The following MAST4 variants were observed in gnomAD, a reference collection of about 807,000 sequenced individuals.
The protein encoded by MAST4 is microtubule associated serine/threonine kinase family member 4, also known as microtubule-associated serine/threonine-protein kinase 4.
A neutral mutation model predicts 162.7 loss-of-function variants in MAST4; 89 were observed. The observed-to-expected ratio is 0.55, with a 90% CI of 0.46 to 0.65. The LOEUF (loss-of-function observed/expected upper bound fraction) is 0.65, where lower values mean the gene tolerates loss of function less well. Among genes scored for constraint, MAST4 ranks in the 30% least tolerant of loss-of-function variants. The pLI, the probability that MAST4 is intolerant of heterozygous loss-of-function variation, is 0.00. For missense variants in MAST4, 3,153 were observed against 3,374.0 expected (o/e 0.93, Z 1.62); for synonymous variants, 1,479 against 1,361.1 (o/e 1.09, Z -1.91).
chr5:67,130,436 C>G lies in MAST4; in HGVS notation c.1954+18C>G, dbSNP rs777308628. 1.2e-6 allele frequency: 2 copies of G among 1,611,912 alleles called. No homozygotes were observed. The highest frequency in any genetic ancestry group is 2.2e-5 in the South Asian group (2 of 90,896). On this transcript the variant is annotated intron_variant, in intron 15 of 28. Coordinates refer to ENST00000403625, the MANE Select transcript of MAST4 (RefSeq NM_001164664.2). ...TGTGGAAGGTATCTGACACGGAAAA[C>G]ATGACACCTGTACCCAGGAATCCCT...
intron 4 of MAST4, among the ~76,000 whole-genome samples, chr5:66,987,908 A>G (rs1749691871): frequency 6.6e-6 from 1 of 152,214 alleles, no homozygotes; most frequent in Non-Finnish European, 1.5e-5. Flanking sequence ...AAATAGTTAC[A>G]ACGTGGTTGC....
intron 4 of MAST4, among the ~76,000 whole-genome samples, chr5:66,992,364 T>C (rs543745937): frequency 6.6e-6 from 1 of 152,312 alleles, no homozygotes; most frequent in South Asian, 2.1e-4. Flanking sequence ...CTTCCGGTTT[T>C]CTCTAATGAA....
At chr5:66,917,849 T>G (rs1764221427) in intron 4 of MAST4, among the ~76,000 whole-genome samples, 1 of 152,156 alleles carries the variant, frequency 6.6e-6, no homozygotes, top group Non-Finnish European at 1.5e-5. Flanking sequence ...TTTTACACTT[T>G]CATGACTTTT....
At chr5:66,774,726 G>T (rs1754506800) in intron 2 of MAST4, among the ~76,000 whole-genome samples, 1 of 152,108 alleles carries the variant, frequency 6.6e-6, no homozygotes, top group Non-Finnish European at 1.5e-5. Context: ...AAAATATGGG[G>T]TATCCAATTA....
chr5:66,930,371 A>T (rs1742048939), intron 4 of MAST4, among the ~76,000 whole-genome samples: 1 of 152,218 alleles, frequency 6.6e-6, no homozygotes, highest in Admixed American at 6.5e-5. Context: ...AGTAGAAAAC[A>T]GAAGTATGTG....
chr5:66,881,067 A>G (rs185233662), intron 3 of MAST4, among the ~76,000 whole-genome samples: 26 of 152,334 alleles, frequency 1.7e-4, no homozygotes, highest in Admixed American at 1.6e-3. Context: ...AATCAGCACC[A>G]AGACTGAAAA....
chr5:66,749,249 T>A (rs2149588935), intron 1 of MAST4, among the ~76,000 whole-genome samples: 1 of 152,190 alleles, frequency 6.6e-6, no homozygotes, highest in East Asian at 1.9e-4. Flanking sequence ...AGGTCCAGTC[T>A]GAGAGAGAGG....
intron 4 of MAST4, among the ~76,000 whole-genome samples, chr5:67,031,135 C>T (rs774048594): frequency 6.6e-6 from 1 of 152,040 alleles, no homozygotes; most frequent in African/African-American, 2.4e-5. Flanking sequence ...AAAATGTATG[C>T]GTTTATTAAA....
At chr5:67,090,604 C>G (rs957433962) in intron 6 of MAST4, among the ~76,000 whole-genome samples, 2 of 150,510 alleles carry the variant, frequency 1.3e-5, no homozygotes, top group African/African-American at 4.9e-5. Flanking sequence ...TTCAAGGCAG[C>G]AATTTAGTGA....
chr5:67,110,978 T>C (rs1166745869), intron 11 of MAST4, among the ~76,000 whole-genome samples: 4 of 152,124 alleles, frequency 2.6e-5, no homozygotes, highest in African/African-American at 4.8e-5. Context: ...GAGCTGAGAT[T>C]GCACCACTGC....
intron 12 of MAST4, among the ~76,000 whole-genome samples, chr5:67,115,298 A>C (rs1766764034): frequency 6.6e-6 from 1 of 152,216 alleles, no homozygotes; most frequent in South Asian, 2.1e-4. Flanking sequence ...TTCTCGGTTC[A>C]TTAAATTGTA....
chr5:66,788,589 A>ACT, intron 2 of MAST4, 81 bp from the exon 3 acceptor site: 2 of 738,450 alleles, frequency 2.7e-6, no homozygotes, highest in African/African-American at 1.8e-5. Flanking sequence ...CCAGGAAGAG[A>ACT]CACCCCACCC....
intron 4 of MAST4, among the ~76,000 whole-genome samples, chr5:67,002,920 G>A (rs1366031284): frequency 6.7e-6 from 1 of 150,324 alleles, no homozygotes; most frequent in Non-Finnish European, 1.5e-5. Flanking sequence ...ATTTGGCAAT[G>A]TCCTCAGACA....
chr5:66,884,707 G>A (rs1761926003), intron 3 of MAST4, among the ~76,000 whole-genome samples: 1 of 152,194 alleles, frequency 6.6e-6, no homozygotes. Flanking sequence ...AGGAAAATAA[G>A]CTAGGTCAGC....
chr5:66,758,520 G>T (rs1753681625), intron 1 of MAST4, among the ~76,000 whole-genome samples: 1 of 152,098 alleles, frequency 6.6e-6, no homozygotes, highest in South Asian at 2.1e-4. Flanking sequence ...GGACTCAAGA[G>T]AGTCTCCTGC....
intron 1 of MAST4, among the ~76,000 whole-genome samples, chr5:66,628,080 A>G (rs558518710): frequency 2.0e-5 from 3 of 152,108 alleles, no homozygotes; most frequent in East Asian, 3.8e-4. Flanking sequence ...CGCCCAGACT[A>G]TAGTGCAGTG....
intron 1 of MAST4, among the ~76,000 whole-genome samples, chr5:66,753,607 G>T (rs892292048): frequency 6.6e-6 from 1 of 151,750 alleles, no homozygotes. Context: ...CCAGGAAGAA[G>T]TTGAATCTCT....
intron 1 of MAST4, among the ~76,000 whole-genome samples, chr5:66,720,788 C>T (rs1751153964): frequency 6.6e-6 from 1 of 151,930 alleles, no homozygotes; most frequent in Non-Finnish European, 1.5e-5. Flanking sequence ...TTTTTATTTT[C>T]TTGTTTAATA....
chr5:67,074,063 G>A (rs979525251), intron 5 of MAST4, among the ~76,000 whole-genome samples: 1 of 151,550 alleles, frequency 6.6e-6, no homozygotes, highest in South Asian at 2.1e-4. Flanking sequence ...GAAGTATAAT[G>A]GGCAGAAGAT....
Sources: allele counts gnomAD v4.1 joint callset (sites outside exome capture counted in the v4.1 genomes callset), GRCh38; gene constraint gnomAD v4.1.1; transcripts MANE v1.5; gene names NCBI Gene and HGNC (gene_info 2026-07-23, HGNC 2026-07-21).